The following EFCAB11 variants were observed in gnomAD, a reference collection of about 807,000 sequenced individuals.
EFCAB11 encodes EF-hand calcium-binding domain-containing protein 11.
Under a neutral mutation model 23.0 loss-of-function variants are expected in EFCAB11, and 14 were observed. That is an observed-to-expected ratio of 0.61 (90% CI 0.40 to 0.95). EFCAB11 has a LOEUF of 0.95. EFCAB11 is among the 40% of genes least tolerant of loss of function. The probability of loss-of-function intolerance (pLI) is 0.00; values close to 1 mark genes in which losing one functional copy is unlikely to be tolerated. For missense variants in EFCAB11, 198 were observed against 195.8 expected, an observed-to-expected ratio of 1.01 and a Z score of -0.07; for synonymous variants, 65 against 66.6, an observed-to-expected ratio of 0.98 and a Z score of 0.11.
At chr14:89,942,342 C>T (rs1405964272) in intron 3 of EFCAB11, among the ~76,000 whole-genome samples, 2 of 152,100 alleles carry the variant, frequency 1.3e-5, no homozygotes, top group African/African-American at 4.8e-5. Context: ...ATGATTGCTG[C>T]AATTATCTAT....
intron 5 of EFCAB11, among the ~76,000 whole-genome samples, chr14:89,879,940 A>T (rs1039089112): frequency 2.0e-5 from 3 of 152,222 alleles, no homozygotes. Context: ...TCTCCAGAAC[A>T]AACCTGTTCT....
At chr14:89,893,779 A>C (rs1889063187) in intron 5 of EFCAB11, among the ~76,000 whole-genome samples, 1 of 143,732 alleles carries the variant, frequency 7.0e-6, no homozygotes, top group Non-Finnish European at 1.5e-5. Context: ...CTCGTCTCCA[A>C]AAAAAAAAAA....
intron 5 of EFCAB11, 87 bp from the exon 6 acceptor site, chr14:89,797,411 ATGTCTGTGTG>A: frequency 7.2e-6 from 9 of 1,253,750 alleles, no homozygotes; most frequent in Non-Finnish European, 1.0e-5. Flanking sequence ...ATTTATTTGC[ATGTCTGTGTG>A]AGAGAGGAAC....
At chr14:89,843,266 T>C (rs1887328644) in intron 5 of EFCAB11, among the ~76,000 whole-genome samples, 2 of 152,208 alleles carry the variant, frequency 1.3e-5, no homozygotes. Context: ...GAAATGAATA[T>C]TAAAACTGAG....
intron 5 of EFCAB11, chr14:89,836,521 G>A (rs1887084945): frequency 2.2e-6 from 1 of 456,388 alleles, no homozygotes; most frequent in South Asian, 1.5e-5. Flanking sequence ...CACACAGTGT[G>A]TAAGGCTCTT....
intron 5 of EFCAB11, among the ~76,000 whole-genome samples, chr14:89,823,802 C>A (rs1414605846): frequency 1.3e-5 from 2 of 152,110 alleles, no homozygotes; most frequent in East Asian, 3.9e-4. Context: ...GTTAATAATT[C>A]ATGGACTGGG....
Position 89,811,204 on chromosome 14 carries a change from T to TCTGTGCTC in EFCAB11, c.411-13881_411-13880insGAGCACAG, listed in dbSNP as rs1886141734. ...TCAAGGAACTGAAAGAAGGCAAATG[T>TCTGTGCTC]AACCAGGCACAGAGTGAGGATGAGC... On this transcript the variant is annotated intron_variant, in intron 5 of 5. Transcript: ENST00000316738. 7.2e-5 allele frequency among the ~76,000 whole-genome samples: 11 copies of TCTGTGCTC among 152,006 alleles called. 1 individual carries two copies. Among genetic ancestry groups the TCTGTGCTC allele is most frequent in the African/African-American group, 2.7e-4 (11 of 41,430 alleles).
At chr14:89,827,640 T>C (rs1886741440) in intron 5 of EFCAB11, among the ~76,000 whole-genome samples, 1 of 149,100 alleles carries the variant, frequency 6.7e-6, no homozygotes, top group South Asian at 2.2e-4. Flanking sequence ...TTTTTTTTTT[T>C]TTTTTTTTTT....
In EFCAB11 at chr14:89,903,927, C is replaced by A. The variant is rs112138804; in HGVS notation, c.410+27614G>T. Among the ~76,000 whole-genome samples, 376 of 152,140 alleles carry A rather than the reference C, an allele frequency of 2.5e-3. 2 individuals carry two copies. Among genetic ancestry groups the A allele is most frequent in the African/African-American group, 8.8e-3 (364 of 41,520 alleles). On this transcript the variant is annotated intron_variant, in intron 5 of 5. Coordinates refer to ENST00000316738, the MANE Select transcript of EFCAB11 (RefSeq NM_145231.4). ...TTCCTTTTTTTTATATATTTATACC[C>A]ATATTTTATTAATTCTGTTCCTCTA...
chr14:89,834,137 GAGGTCAGGAGATAGAGACCACA>G lies in EFCAB11; in HGVS notation c.411-36835_411-36814del, dbSNP rs567899141. Among the ~76,000 whole-genome samples the G allele has an allele frequency of 2.6e-3, 392 of 151,942 alleles. 1 individual carries two copies. The highest frequency in any genetic ancestry group is 0.014 in the Middle Eastern group (4 of 294). ...TGGGAGGCTGAGGCGGGCCTATCAC[GAGGTCAGGAGATAGAGACCACA>G]AGGTCAGGAGATAGAAACCATCCTG... is the stretch of plus-strand genomic sequence containing the variant. On this transcript the variant is annotated intron_variant, in intron 5 of 5. Coordinates refer to ENST00000316738, the MANE Select transcript of EFCAB11 (RefSeq NM_145231.4).
At chr14:89,893,681 C>T (rs182292944) in intron 5 of EFCAB11, among the ~76,000 whole-genome samples, 102 of 151,974 alleles carry the variant, frequency 6.7e-4, no homozygotes, top group African/African-American at 2.3e-3. Context: ...GACATCATAG[C>T]CAAGTTATCC....
At chr14:89,799,803 G>A (rs1321064764) in intron 5 of EFCAB11, among the ~76,000 whole-genome samples, 1 of 152,116 alleles carries the variant, frequency 6.6e-6, no homozygotes, top group Non-Finnish European at 1.5e-5. Context: ...TGAGGAAACA[G>A]CTGATAATAT....
intron 5 of EFCAB11, among the ~76,000 whole-genome samples, chr14:89,919,260 A>G (rs1889948993): frequency 6.6e-6 from 1 of 152,018 alleles, no homozygotes; most frequent in African/African-American, 2.4e-5. Context: ...TATGATGGGG[A>G]GGCAGACACA....
At chr14:89,861,641 T>A in intron 5 of EFCAB11, among the ~76,000 whole-genome samples, 1 of 152,184 alleles carries the variant, frequency 6.6e-6, no homozygotes, top group South Asian at 2.1e-4. Flanking sequence ...CCCAAATTTA[T>A]AAACTGATTA....
chr14:89,832,332 A>G (rs537238885), intron 5 of EFCAB11, among the ~76,000 whole-genome samples: 15 of 152,256 alleles, frequency 9.9e-5, no homozygotes, highest in Non-Finnish European at 1.5e-4. Flanking sequence ...AAACAACAGC[A>G]AACTCAAGCT....
chr14:89,798,985 C>T (rs878979269), intron 5 of EFCAB11, among the ~76,000 whole-genome samples: 1 of 152,144 alleles, frequency 6.6e-6, no homozygotes. Flanking sequence ...GATGGGGTTT[C>T]ACTATGTTGG....
chr14:89,865,207 C>T (rs1221087987), intron 5 of EFCAB11, among the ~76,000 whole-genome samples: 1 of 152,204 alleles, frequency 6.6e-6, no homozygotes, highest in Non-Finnish European at 1.5e-5. Context: ...GATCAAATTG[C>T]ACCAGAGGCA....
At chr14:89,867,235 T>C (rs1025350076) in intron 5 of EFCAB11, among the ~76,000 whole-genome samples, 5 of 152,244 alleles carry the variant, frequency 3.3e-5, no homozygotes, top group Admixed American at 2.0e-4. Flanking sequence ...TACCTTTGTC[T>C]TGTTTTTTAG....
intron 3 of EFCAB11, among the ~76,000 whole-genome samples, chr14:89,941,962 G>T (rs1361320031): frequency 1.3e-5 from 2 of 152,124 alleles, no homozygotes; most frequent in Non-Finnish European, 2.9e-5. Context: ...CTGGTGGGAG[G>T]TGACTGAATC....
Sources: allele counts gnomAD v4.1 joint callset (sites outside exome capture counted in the v4.1 genomes callset), GRCh38; gene constraint gnomAD v4.1.1; transcripts MANE v1.5; gene names NCBI Gene and HGNC (gene_info 2026-07-23, HGNC 2026-07-21).